Variants in IPO7 observed in about 807,000 individuals in gnomAD.
IPO7 encodes the protein importin 7.
Under a neutral mutation model 136.4 loss-of-function variants are expected in IPO7, and 13 were observed. The ratio of observed to expected loss-of-function variants is 0.10; its 90% CI spans 0.06 to 0.15. The LOEUF (loss-of-function observed/expected upper bound fraction) is 0.15, where lower values mean the gene tolerates loss of function less well. Ranked by LOEUF, IPO7 falls within the 10% of genes least tolerant of loss-of-function variation. The pLI, the probability that IPO7 is intolerant of heterozygous loss-of-function variation, is 1.00. For missense variants in IPO7, 857 were observed against 1,240.6 expected (o/e 0.69, Z 4.65); for synonymous variants, 403 against 404.4 (o/e 1.00, Z 0.04).
intron 2 of IPO7, 171 bp downstream of exon 2, chr11:9,403,542 T>C (rs1854831500): frequency 1.8e-6 from 1 of 545,534 alleles, no homozygotes; most frequent in South Asian, 2.6e-5. Flanking sequence ...GGTGGCAGAG[T>C]TTAAAGGAAT....
chr11:9,428,568 A>G lies in IPO7; in HGVS notation c.1364A>G (p.Tyr455Cys), dbSNP rs1413411820. The G allele has an allele frequency of 2.6e-6, 4 of 1,556,792 alleles. No individual in the cohort carries two copies. Among genetic ancestry groups the G allele is most frequent in the Non-Finnish European group, 3.5e-6 (4 of 1,134,228 alleles). The change falls in exon 13 of 25, where the codon TAC becomes TGC. Residue 455 changes from tyrosine (Y) to cysteine (C), a missense_variant. Physicochemically the swap from Tyr to Cys is radical, Grantham distance 194. This residue lies in a region of IPO7 where 127 missense variants were observed against 222.4 expected (regional missense o/e 0.57). Transcript: ENST00000379719. ...KKKIYKDQME[Y>C]MLQNHVFPLF... Reference sequence around the variant, plus strand: ...AAGATCTATAAAGATCAGATGGAATACATGTTGCAGAATCATGTATTCCCT... The same window carrying G: ...AAGATCTATAAAGATCAGATGGAATGCATGTTGCAGAATCATGTATTCCCT...
Position 9,436,287 on chromosome 11 carries a change from CAGG to C in IPO7, c.2192_2194del (p.Gly731del), listed in dbSNP as rs763543982. 1 of 1,612,810 alleles carries C rather than the reference CAGG, an allele frequency of 6.2e-7. No homozygotes were observed. The highest frequency in any genetic ancestry group is 8.5e-7 in the Non-Finnish European group (1 of 1,178,854). The stretch of plus-strand genomic sequence containing the variant: ...TTTGATCAGGTTCTTACAGGAGTTG[CAGG>C]AGAAGATGCAGAGTGTCATGCAGCA... On this transcript the variant is annotated inframe_deletion, in exon 20 of 25. Coordinates refer to ENST00000379719, the MANE Select transcript of IPO7 (RefSeq NM_006391.3).
rs1308973086 is a variant in IPO7, at chr11:9,390,777, A to T, written c.84+5930A>T. Among the ~76,000 whole-genome samples, 32 of 5,954 alleles carry T rather than the reference A, an allele frequency of 5.4e-3. No individual in the cohort carries two copies. In the South Asian group the frequency reaches 0.11, roughly 20 times the overall value. 3.9% of individuals were successfully genotyped at this position (5,954 alleles called of 152,430 possible). On this transcript the variant is annotated intron_variant, in intron 1 of 24. Coordinates refer to ENST00000379719, the MANE Select transcript of IPO7 (RefSeq NM_006391.3). Reference sequence around the variant, plus strand: ...CCAGCCTGGGCAACATACAAAAAAAATTTTTTTTTTTAGCCAGAGCCTCGC... The same window carrying T: ...CCAGCCTGGGCAACATACAAAAAAATTTTTTTTTTTTAGCCAGAGCCTCGC...
intron 16 of IPO7, among the ~76,000 whole-genome samples, chr11:9,431,993 GA>G (rs1190520044): frequency 6.6e-6 from 1 of 151,914 alleles, no homozygotes; most frequent in Admixed American, 6.6e-5. Flanking sequence ...AAGAAAGAAA[GA>G]AAAAACAATT....
intron 1 of IPO7, among the ~76,000 whole-genome samples, chr11:9,392,908 C>T (rs1262539650): frequency 6.9e-6 from 1 of 144,618 alleles, no homozygotes; most frequent in African/African-American, 2.6e-5. Context: ...AAGATTGCTC[C>T]ACTGCACTCT....
At chr11:9,442,724 A>G (rs1590456607) in intron 24 of IPO7, among the ~76,000 whole-genome samples, 1 of 148,928 alleles carries the variant, frequency 6.7e-6, no homozygotes, top group South Asian at 2.4e-4. Context: ...CAGTTTGTTT[A>G]TTTTTAAGTA....
rs1419280519 is a variant in IPO7, at chr11:9,417,118, A to G, written c.696A>G (p.Leu232=). 7 of 1,556,972 alleles carry G rather than the reference A, an allele frequency of 4.5e-6. No individual in the cohort carries two copies. Residue 232 remains leucine, a synonymous_variant, in exon 6 of 25, where the codon TTA becomes TTG. Coordinates refer to ENST00000379719, the MANE Select transcript of IPO7 (RefSeq NM_006391.3). ...QQNLTEWIEI[L]KTVVNRDVPN... is the part of the protein sequence containing the mutation. ...ACCTGACAGAATGGATAGAAATTTT[A>G]AAGACTGTTGTGAACAGGGATGTAC...
At chr11:9,437,490 G>T (rs950133348) in intron 20 of IPO7, among the ~76,000 whole-genome samples, 1 of 151,884 alleles carries the variant, frequency 6.6e-6, no homozygotes, top group African/African-American at 2.4e-5. Flanking sequence ...TCCTGACCTC[G>T]TGATCCGCCT....
At chr11:9,427,894 C>G (rs887843475) in intron 12 of IPO7, among the ~76,000 whole-genome samples, 12 of 152,134 alleles carry the variant, frequency 7.9e-5, no homozygotes, top group African/African-American at 2.7e-4. Context: ...GTTGTCATGT[C>G]TGATTATGTA....
chr11:9,423,911 G>A (rs1855168230), intron 10 of IPO7, 35 bp downstream of exon 10: 12 of 1,271,574 alleles, frequency 9.4e-6, no homozygotes, highest in Non-Finnish European at 1.4e-5. Context: ...AACAAAAAAT[G>A]TCAGTAATTA....
At chr11:9,403,873 T>C (rs1192440992) in intron 2 of IPO7, among the ~76,000 whole-genome samples, 1 of 152,256 alleles carries the variant, frequency 6.6e-6, no homozygotes, top group East Asian at 1.9e-4. Flanking sequence ...TAATTTTTTT[T>C]ATTTTTTGTA....
intron 1 of IPO7, chr11:9,392,169 T>A (rs1039259123): frequency 2.7e-6 from 1 of 364,314 alleles, no homozygotes; most frequent in Admixed American, 3.5e-5. Flanking sequence ...CTTTGTCAAA[T>A]TCTTTTTTTT....
intron 2 of IPO7, among the ~76,000 whole-genome samples, chr11:9,404,563 ATTTT>A (rs545909983): frequency 1.7e-5 from 2 of 114,614 alleles, no homozygotes; most frequent in Non-Finnish European, 3.6e-5. Flanking sequence ...CGGTCTTCGG[ATTTT>A]TTTTTTTTTT....
intron 2 of IPO7, among the ~76,000 whole-genome samples, chr11:9,404,297 C>A (rs1432456049): frequency 3.3e-5 from 5 of 151,718 alleles, no homozygotes; most frequent in Admixed American, 6.6e-5. Context: ...AACCCCGTCT[C>A]TACTAAAAAT....
At chr11:9,410,551 A>G (rs1436978967) in intron 4 of IPO7, among the ~76,000 whole-genome samples, 1 of 151,554 alleles carries the variant, frequency 6.6e-6, no homozygotes, top group Non-Finnish European at 1.5e-5. Flanking sequence ...ATCTTCTTTA[A>G]TCAGTGTGTT....
At chr11:9,395,393 C>T (rs2133722396) in intron 1 of IPO7, among the ~76,000 whole-genome samples, 1 of 151,586 alleles carries the variant, frequency 6.6e-6, no homozygotes, top group Admixed American at 6.6e-5. Context: ...ACAGGCGCCC[C>T]CCACTGTGCC....
rs1590459656 is a variant in IPO7 at position 9,447,756 on chromosome 11, T to G, written c.*2562T>G. 3 of 152,300 alleles carry G rather than the reference T, an allele frequency of 2.0e-5. No individual in the cohort carries two copies. The Middle Eastern group carries it at 0.01, about 518-fold the overall frequency. 9.4% of individuals were successfully genotyped at this position (152,300 alleles called of 1,614,324 possible). A position where few individuals can be genotyped will look rare whatever the true frequency, so the allele number is the denominator to read the frequency against. Reference sequence around the variant, plus strand: ...CTTTTGTAAATGTAAGCTTTCTTTTTTTTTCTTGAAAAAGCCTTTCTATTT... The same window carrying G: ...CTTTTGTAAATGTAAGCTTTCTTTTGTTTTCTTGAAAAAGCCTTTCTATTT... On this transcript the variant is annotated 3_prime_UTR_variant, in exon 25 of 25. Coordinates refer to ENST00000379719, the MANE Select transcript of IPO7 (RefSeq NM_006391.3).
At chr11:9,397,416 A>C (rs994697392) in intron 1 of IPO7, among the ~76,000 whole-genome samples, 3 of 140,838 alleles carry the variant, frequency 2.1e-5, no homozygotes, top group Non-Finnish European at 4.5e-5. Flanking sequence ...TTTTCTGTAG[A>C]GGTAGCATCT....
At chr11:9,433,923 C>CT (rs35376155) in intron 18 of IPO7, 77 bp downstream of exon 18, 58,874 of 1,031,590 alleles carry the variant, frequency 0.057, 7 homozygotes, top group East Asian at 0.11. Flanking sequence ...TGAACATACA[C>CT]TTTTTTTTTT....
Sources: gnomAD v4.1 joint callset for allele counts (sites outside exome capture counted in the v4.1 genomes callset) on GRCh38, gnomAD v4.1.1 for gene constraint, gnomAD v4.1.1 regional missense constraint, MANE v1.5 for transcripts, NCBI Gene and HGNC (gene_info 2026-07-23, HGNC 2026-07-21) for gene names.